Variants in CTDSP2 observed in about 807,000 individuals in gnomAD.
CTDSP2 encodes the protein carboxy-terminal domain RNA polymerase II polypeptide A small phosphatase 2.
A neutral mutation model predicts 31.6 loss-of-function variants in CTDSP2; 9 were observed. The ratio of observed to expected loss-of-function variants is 0.28; its 90% CI spans 0.17 to 0.50. CTDSP2 has a LOEUF of 0.50. Ranked by LOEUF, CTDSP2 falls within the 20% of genes least tolerant of loss-of-function variation. CTDSP2 has a pLI of 0.98. For synonymous variants in CTDSP2, 134 were observed against 134.5 expected (o/e 1.00, Z 0.03); for missense variants, 267 against 348.5 (o/e 0.77, Z 1.86).
intron 1 of CTDSP2, 69 bp downstream of exon 1, chr12:57,846,303 G>A: frequency 6.9e-7 from 1 of 1,451,606 alleles, no homozygotes; most frequent in Non-Finnish European, 9.5e-7. Flanking sequence ...CGAGACCTGG[G>A]TTCGGGGCTG....
intron 1 of CTDSP2, 93 bp from the exon 2 acceptor site, chr12:57,829,689 ACT>A (rs1956203718): frequency 1.7e-6 from 2 of 1,157,492 alleles, no homozygotes; most frequent in African/African-American, 3.1e-5. Flanking sequence ...TAGTTTGTAA[ACT>A]CTACTAGGGC....
intron 3 of CTDSP2, 80 bp from the exon 4 acceptor site, chr12:57,827,177 G>T: frequency 9.4e-7 from 1 of 1,061,636 alleles, no homozygotes; most frequent in Non-Finnish European, 1.4e-6. Flanking sequence ...GGGAAGAGCT[G>T]GGTTGTTTGT....
intron 2 of CTDSP2, among the ~76,000 whole-genome samples, chr12:57,827,906 C>T (rs1956193050): frequency 1.3e-5 from 2 of 152,294 alleles, no homozygotes; most frequent in South Asian, 4.1e-4. Context: ...GAGTCAGAGG[C>T]AGAACCAAAG....
intron 1 of CTDSP2, 60 bp from the exon 2 acceptor site, chr12:57,829,656 T>C (rs1297654566): frequency 1.4e-6 from 2 of 1,473,936 alleles, no homozygotes; most frequent in Admixed American, 1.7e-5. Context: ...TGTCCACAGA[T>C]ACTACCATGC....
intron 1 of CTDSP2, chr12:57,845,351 C>T (rs2140487498): frequency 1.3e-5 from 2 of 152,330 alleles, no homozygotes; most frequent in Middle Eastern, 3.4e-3. Context: ...GAAAGAGTTT[C>T]GAGTCTCCCA....
rs1229960661 is a variant in CTDSP2 at position 57,821,812 on chromosome 12, CAAAGAG to C, written c.*1784_*1789del. 6.6e-6 allele frequency: 1 copy of C among 152,190 alleles called. No individual in the cohort carries two copies. The highest frequency in any genetic ancestry group is 2.4e-5 in the African/African-American group (1 of 41,426). 9.4% of individuals were successfully genotyped at this position (152,190 alleles called of 1,614,324 possible). A position where few individuals can be genotyped will look rare whatever the true frequency, so the allele number is the denominator to read the frequency against. On this transcript the variant is annotated 3_prime_UTR_variant, in exon 8 of 8. Coordinates refer to ENST00000398073, the MANE Select transcript of CTDSP2 (RefSeq NM_005730.4). ...GGGACTCTGTTCCACTTTATGATTC[CAAAGAG>C]AAAGACAAGGCCTTATAACCTTGGG...
In CTDSP2 at chr12:57,821,627, G is replaced by C. The variant is rs1269260161; in HGVS notation, c.*1975C>G. The C allele has an allele frequency of 6.6e-6, 1 of 152,314 alleles. No individual in the cohort carries two copies. The highest frequency in any genetic ancestry group is 2.4e-5 in the African/African-American group (1 of 41,462). 9.4% of individuals were successfully genotyped at this position (152,314 alleles called of 1,614,324 possible). On this transcript the variant is annotated 3_prime_UTR_variant, in exon 8 of 8. Transcript: ENST00000398073. ...AGGATAGCAGCCTAGGTCAGGCCTT[G>C]GGTCCGAAGCCACAGCTGGCTCTAA... is the stretch of plus-strand genomic sequence containing the variant.
chr12:57,846,509 C>A lies in CTDSP2; in HGVS notation c.-74G>T. The A allele has an allele frequency of 7.7e-7, 1 of 1,292,058 alleles. No individual in the cohort carries two copies. Among genetic ancestry groups the A allele is most frequent in the Non-Finnish European group, 1.0e-6 (1 of 974,612 alleles). The allele number at this position is 1,292,058 out of a possible 1,614,324, so 80.0% of individuals were successfully genotyped here. ...GCGCGGGCTGGGCTGGGCTGGGGGG[C>A]CTGGGCGGGGGCCCGCTCCGGCTCC... is the stretch of plus-strand genomic sequence containing the variant. On this transcript the variant is annotated 5_prime_UTR_variant, in exon 1 of 8. Coordinates refer to ENST00000398073, the MANE Select transcript of CTDSP2 (RefSeq NM_005730.4).
chr12:57,844,393 G>A (rs1355048904), intron 1 of CTDSP2, among the ~76,000 whole-genome samples: 7 of 152,208 alleles, frequency 4.6e-5, no homozygotes, highest in Non-Finnish European at 1.0e-4. Context: ...TTCCAGCTCT[G>A]ATTTCTAAGA....
intron 2 of CTDSP2, among the ~76,000 whole-genome samples, chr12:57,828,890 A>C (rs1031587242): frequency 1.3e-5 from 2 of 152,252 alleles, no homozygotes; most frequent in African/African-American, 4.8e-5. Flanking sequence ...AATGCCTTGC[A>C]TGAGTATGGG....
intron 1 of CTDSP2, among the ~76,000 whole-genome samples, chr12:57,834,366 G>C (rs949528903): frequency 1.3e-5 from 2 of 152,116 alleles, no homozygotes; most frequent in Admixed American, 6.5e-5. Flanking sequence ...GACCAGTCTG[G>C]GGTCTAGCCC....
chr12:57,841,186 G>A (rs149319126), intron 1 of CTDSP2, among the ~76,000 whole-genome samples: 2 of 152,190 alleles, frequency 1.3e-5, no homozygotes, highest in Non-Finnish European at 2.9e-5. Flanking sequence ...CCAAAGACAA[G>A]CGAGTTAATT....
In CTDSP2 at chr12:57,822,882, T is replaced by A. The variant is rs1956156027; in HGVS notation, c.*720A>T. ...CCTCTTCCCGGGCAGGGAGAAAACC[T>A]CCTTCCCCACAGGTTTGAGACTATG... On this transcript the variant is annotated 3_prime_UTR_variant, in exon 8 of 8. Coordinates refer to ENST00000398073, the MANE Select transcript of CTDSP2 (RefSeq NM_005730.4). The A allele has an allele frequency of 6.6e-6, 1 of 152,666 alleles. No homozygotes were observed. Among genetic ancestry groups the A allele is most frequent in the African/African-American group, 2.4e-5 (1 of 41,448 alleles). The allele number at this position is 152,666 out of a possible 1,614,324, so 9.5% of individuals were successfully genotyped here. A position where few individuals can be genotyped will look rare whatever the true frequency, so the allele number is the denominator to read the frequency against.
chr12:57,834,176 T>G (rs1956233022), intron 1 of CTDSP2, among the ~76,000 whole-genome samples: 1 of 152,144 alleles, frequency 6.6e-6, no homozygotes, highest in Non-Finnish European at 1.5e-5. Context: ...ACTTTTTTTT[T>G]TTCTAAGACA....
intron 5 of CTDSP2, chr12:57,824,755 T>A (rs1260597752): frequency 2.0e-6 from 1 of 506,190 alleles, no homozygotes. Context: ...GATTAGGTAA[T>A]GAATTGCACC....
intron 1 of CTDSP2, among the ~76,000 whole-genome samples, chr12:57,839,543 C>G (rs1017546927): frequency 6.6e-6 from 1 of 152,082 alleles, no homozygotes; most frequent in Non-Finnish European, 1.5e-5. Context: ...ACAGTGAAAC[C>G]GCGTCTCTAC....
rs567136871 is a variant in CTDSP2, at chr12:57,835,049, G to A, written c.65-5453C>T. ...AGGCAGGAGAATCGCTTGAACCCAG[G>A]AGGCAGAGGTTATGGTAAGCTAGAG... On this transcript the variant is annotated intron_variant, in intron 1 of 7. Transcript: ENST00000398073. Among the ~76,000 whole-genome samples the A allele has an allele frequency of 6.7e-5, 10 of 149,660 alleles. No homozygotes were observed. In the South Asian group the frequency reaches 1.9e-3, roughly 29 times the overall value.
At position 57,827,567 on chromosome 12, in the gene CTDSP2, C is replaced by T. The variant is rs758233325; in HGVS notation, c.237G>A (p.Gln79=). ...AGTCACGTACCTGGTAGAACTGGTACTGGAGACACTGGAGCAGATCCGACT... is the reference window on the plus strand; with the variant it reads ...AGTCACGTACCTGGTAGAACTGGTATTGGAGACACTGGAGCAGATCCGACT... ...IAKSDLLQCL[Q]YQFYQIPGTC... The change falls in exon 3 of 8, where the codon CAG becomes CAA. Residue 79 remains glutamine (Q), a synonymous_variant. Coordinates refer to ENST00000398073, the MANE Select transcript of CTDSP2 (RefSeq NM_005730.4). The T allele has an allele frequency of 3.7e-6, 6 of 1,613,958 alleles. No individual in the cohort carries two copies. In the South Asian group the frequency reaches 5.5e-5, roughly 15 times the overall value.
At position 57,846,498 on chromosome 12, in the gene CTDSP2, G is replaced by A; in HGVS notation, c.-63C>T. 1 of 1,394,704 alleles carries A rather than the reference G, an allele frequency of 7.2e-7. No individual in the cohort carries two copies. The highest frequency in any genetic ancestry group is 9.5e-7 in the Non-Finnish European group (1 of 1,049,876). 86.4% of individuals were successfully genotyped at this position (1,394,704 alleles called of 1,614,324 possible). On this transcript the variant is annotated 5_prime_UTR_variant, in exon 1 of 8. Transcript: ENST00000398073. ...GACGGGCGGGCGCGCGGGCTGGGCT[G>A]GGCTGGGGGGCCTGGGCGGGGGCCC...
Sources: gnomAD v4.1 joint callset for allele counts (sites outside exome capture counted in the v4.1 genomes callset) on GRCh38, gnomAD v4.1.1 for gene constraint, MANE v1.5 for transcripts, NCBI Gene and HGNC (gene_info 2026-07-23, HGNC 2026-07-21) for gene names.